The following RBMS1 variants were observed in gnomAD, a reference collection of about 807,000 sequenced individuals.
RBMS1 encodes RNA binding motif single stranded interacting protein 1.
A neutral mutation model predicts 62.3 loss-of-function variants in RBMS1; 17 were observed. That is an observed-to-expected ratio of 0.27 (90% CI 0.19 to 0.41). The LOEUF is 0.41. Among genes scored for constraint, RBMS1 ranks in the 10% least tolerant of loss-of-function variants. The pLI is 1.00. For missense variants in RBMS1, 334 were observed against 504.5 expected, an observed-to-expected ratio of 0.66 and a Z score of 3.24; for synonymous variants, 172 against 170.0, an observed-to-expected ratio of 1.01 and a Z score of -0.09.
At chr2:160,447,995 T>C (rs1441978817) in intron 1 of RBMS1, among the ~76,000 whole-genome samples, 2 of 152,190 alleles carry the variant, frequency 1.3e-5, no homozygotes, top group Admixed American at 6.5e-5. Flanking sequence ...AATATTGTTA[T>C]AAATAGGCTA....
At chr2:160,420,534 T>C (rs1297038910) in intron 1 of RBMS1, among the ~76,000 whole-genome samples, 1 of 152,168 alleles carries the variant, frequency 6.6e-6, no homozygotes, top group Non-Finnish European at 1.5e-5. Flanking sequence ...TGGCCAAGAT[T>C]TAGCACATAC....
rs1687867226 is a variant in RBMS1 at position 160,276,952 on chromosome 2, ACT to A, written c.1143+349_1143+350del. On this transcript the variant is annotated intron_variant, in intron 12 of 13. Coordinates refer to ENST00000348849, the MANE Select transcript of RBMS1 (RefSeq NM_016836.4). ...CCCTAATTTGTCATGATCATAGCTC[ACT>A]GTAGTTGCAAACTCCAGGGCTCAAG... Among the ~76,000 whole-genome samples the A allele has an allele frequency of 2.0e-5, 3 of 152,256 alleles. No homozygotes were observed. The South Asian group carries it at 6.2e-4, about 32-fold the overall frequency.
At chr2:160,412,301 G>T (rs746493776) in intron 1 of RBMS1, among the ~76,000 whole-genome samples, 2 of 152,188 alleles carry the variant, frequency 1.3e-5, no homozygotes, top group Non-Finnish European at 2.9e-5. Context: ...ATTTTAAAAT[G>T]AAAGTTTCAT....
Position 160,275,698 on chromosome 2 carries a change from T to G in RBMS1, c.1160A>C (p.Gln387Pro), listed in dbSNP as rs1456621585. ...AVPVEEASGQQQVAVETSNDH... is the reference protein window; with the variant it reads ...AVPVEEASGQPQVAVETSNDH... ...ATTAGACGTCTCGACAGCCACCTGC[T>G]GTTGACCACTTGCCTCCTACAACAA... Residue 387 changes from glutamine to proline, a missense_variant, in exon 13 of 14, where the codon CAG (glutamine) becomes CCG (proline). Physicochemically the swap from Gln to Pro is moderately conservative, Grantham distance 76. Around this residue, in one of 3 missense-constraint regions of RBMS1, gnomAD observed 182 missense variants for 257.7 expected, o/e 0.71. Transcript: ENST00000348849. 11 of 1,613,746 alleles carry G rather than the reference T, an allele frequency of 6.8e-6. No homozygotes were observed. The Admixed American group carries it at 1.5e-4, about 22-fold the overall frequency.
At chr2:160,349,379 A>C (rs2106003419) in intron 2 of RBMS1, among the ~76,000 whole-genome samples, 1 of 152,298 alleles carries the variant, frequency 6.6e-6, no homozygotes, top group South Asian at 2.1e-4. Flanking sequence ...ACAGAAATAC[A>C]CATAACAATA....
intron 1 of RBMS1, among the ~76,000 whole-genome samples, chr2:160,434,387 A>G (rs1309105053): frequency 1.3e-5 from 2 of 152,142 alleles, no homozygotes; most frequent in African/African-American, 2.4e-5. Context: ...TATTTCATCA[A>G]CACTACTAAA....
At chr2:160,322,856 C>A (rs1178649304) in intron 2 of RBMS1, among the ~76,000 whole-genome samples, 1 of 152,158 alleles carries the variant, frequency 6.6e-6, no homozygotes, top group East Asian at 1.9e-4. Context: ...AGTATAGAAC[C>A]AGTAGTTTTT....
chr2:160,311,232 C>CTATATCTA (rs1689865559), intron 4 of RBMS1, among the ~76,000 whole-genome samples: 1 of 79,252 alleles, frequency 1.3e-5, no homozygotes, highest in Non-Finnish European at 2.5e-5. Flanking sequence ...ATCTATCTAT[C>CTATATCTA]TATATATATA....
chr2:160,339,838 T>G (rs770659649), intron 2 of RBMS1, among the ~76,000 whole-genome samples: 6 of 152,206 alleles, frequency 3.9e-5, no homozygotes, highest in Non-Finnish European at 5.9e-5. Flanking sequence ...ATCTTTGCAT[T>G]GATGTTTAGA....
At chr2:160,306,207 T>C (rs1400121869) in intron 4 of RBMS1, among the ~76,000 whole-genome samples, 1 of 152,092 alleles carries the variant, frequency 6.6e-6, no homozygotes, top group Non-Finnish European at 1.5e-5. Flanking sequence ...AGAATGTTCA[T>C]AGGAGAATTT....
rs71003491 is a variant in RBMS1, at chr2:160,383,464, G to GGA, written c.76-16074_76-16073insTC. Among the ~76,000 whole-genome samples the GGA allele has an allele frequency of 7.8e-3, 1,131 of 144,982 alleles. 16 individuals carry two copies. Among genetic ancestry groups the GGA allele is most frequent in the Non-Finnish European group, 9.4e-3 (623 of 66,568 alleles). On this transcript the variant is annotated intron_variant, in intron 1 of 13. Transcript: ENST00000348849. ...GGTTAGACATGAATTGGGGGGGGGG[G>GGA]AACTGACCCACTACAGTGGCTTTCT...
intron 2 of RBMS1, among the ~76,000 whole-genome samples, chr2:160,319,145 T>C (rs1690401317): frequency 6.6e-6 from 1 of 152,186 alleles, no homozygotes; most frequent in African/African-American, 2.4e-5. Flanking sequence ...GGAAAAGCAC[T>C]GTTATCTATG....
rs976965601 is a variant in RBMS1 at position 160,493,491 on chromosome 2, C to A, written c.-128G>T. The A allele has an allele frequency of 1.7e-5, 13 of 756,220 alleles. No individual in the cohort carries two copies. Among genetic ancestry groups the A allele is most frequent in the Non-Finnish European group, 2.9e-5 (13 of 443,382 alleles). The allele number at this position is 756,220 out of a possible 1,614,324, so 46.8% of individuals were successfully genotyped here. A position where few individuals can be genotyped will look rare whatever the true frequency, so the allele number is the denominator to read the frequency against. On this transcript the variant is annotated 5_prime_UTR_variant, in exon 1 of 14. Transcript: ENST00000348849. ...CGGCGGCGGCGGCTGCTGCTGCTGC[C>A]GCTGCTCCACCTCCCAGCCGGGACC...
At chr2:160,399,424 TAAC>T (rs1475367466) in intron 1 of RBMS1, among the ~76,000 whole-genome samples, 1 of 152,236 alleles carries the variant, frequency 6.6e-6, no homozygotes, top group Non-Finnish European at 1.5e-5. Flanking sequence ...TCAGCAGTTT[TAAC>T]AACTAGCTAG....
intron 2 of RBMS1, among the ~76,000 whole-genome samples, chr2:160,324,676 G>A (rs1007857282): frequency 1.3e-5 from 2 of 151,748 alleles, no homozygotes; most frequent in African/African-American, 4.8e-5. Context: ...CGTAAAAGAC[G>A]CTGTGCCTAT....
At chr2:160,486,626 C>G (rs1476131129) in intron 1 of RBMS1, among the ~76,000 whole-genome samples, 1 of 152,112 alleles carries the variant, frequency 6.6e-6, no homozygotes, top group Non-Finnish European at 1.5e-5. Context: ...CAACAGGACT[C>G]CTGAAGCACT....
chr2:160,380,836 T>G (rs1305970530), intron 1 of RBMS1, among the ~76,000 whole-genome samples: 2 of 152,214 alleles, frequency 1.3e-5, no homozygotes, highest in Non-Finnish European at 2.9e-5. Flanking sequence ...GCAGCCACTC[T>G]GCTCTTCCCC....
Position 160,408,306 on chromosome 2 carries a change from G to T in RBMS1, c.76-40915C>A, listed in dbSNP as rs535857485. On this transcript the variant is annotated intron_variant, in intron 1 of 13. Coordinates refer to ENST00000348849, the MANE Select transcript of RBMS1 (RefSeq NM_016836.4). ...CTCTCTTCTTCACCTTTCGAACTAG[G>T]CCCCCCGCGCCACTCTTCAAGAAAA... is the stretch of plus-strand genomic sequence containing the variant. 4.0e-5 allele frequency among the ~76,000 whole-genome samples: 6 copies of T among 151,522 alleles called. No homozygotes were observed. In the South Asian group the frequency reaches 1.3e-3, roughly 32 times the overall value.
chr2:160,421,809 G>C (rs1057440193), intron 1 of RBMS1, among the ~76,000 whole-genome samples: 1 of 152,220 alleles, frequency 6.6e-6, no homozygotes, highest in African/African-American at 2.4e-5. Flanking sequence ...TCCAGCACCT[G>C]TGGTTTCCTG....
Sources: allele counts gnomAD v4.1 joint callset (sites outside exome capture counted in the v4.1 genomes callset), GRCh38; gene constraint gnomAD v4.1.1; regional missense constraint gnomAD v4.1.1; transcripts MANE v1.5; gene names NCBI Gene and HGNC (gene_info 2026-07-23, HGNC 2026-07-21).